The following DEPDC5 variants were observed in gnomAD, a reference collection of about 807,000 sequenced individuals.
The protein encoded by DEPDC5 is DEP domain containing 5, GATOR1 subcomplex subunit.
Under a neutral mutation model 217.3 loss-of-function variants are expected in DEPDC5, and 73 were observed. The ratio of observed to expected loss-of-function variants is 0.34; its 90% confidence interval spans 0.28 to 0.41. The LOEUF is 0.41. Among genes scored for constraint, DEPDC5 ranks in the 10% least tolerant of loss-of-function variants. The probability of loss-of-function intolerance (pLI) is 1.00; values close to 1 mark genes in which losing one functional copy is unlikely to be tolerated. For synonymous variants in DEPDC5, 733 were observed against 756.7 expected, an observed-to-expected ratio of 0.97 and a Z score of 0.51; for missense variants, 1,675 against 2,070.1, an observed-to-expected ratio of 0.81 and a Z score of 3.70.
chr22:31,811,908 G>T (rs568600678), intron 20 of DEPDC5, among the ~76,000 whole-genome samples: 1 of 152,206 alleles, frequency 6.6e-6, no homozygotes, highest in Admixed American at 6.5e-5. Flanking sequence ...TGGGTCTTGT[G>T]TAAGAAAGCA....
rs745342391 is a variant in DEPDC5, at chr22:31,837,088, C to T, written c.2287C>T (p.Arg763Cys). ...CCTTACCACCGACTACTTCCCTGAC[C>T]GCCAGGGCCTGCAGAATGACTACAC... is the stretch of plus-strand genomic sequence containing the variant. ...LPLTTDYFPD[R>C]QGLQNDYTEG... is the part of the protein sequence containing the mutation. The change falls in exon 26 of 43, where the codon CGC (arginine) becomes TGC (cysteine). Residue 763 changes from arginine (R) to cysteine (C), a missense_variant. Around this residue, in one of 11 missense-constraint regions of DEPDC5, gnomAD observed 293 missense variants for 386.1 expected, o/e 0.76. Coordinates refer to ENST00000651528, the MANE Select transcript of DEPDC5 (RefSeq NM_001242896.3). 4.7e-5 allele frequency: 76 copies of T among 1,614,044 alleles called. No individual in the cohort carries two copies. The highest frequency in any genetic ancestry group is 4.0e-4 in the Admixed American group (24 of 60,002).
intron 31 of DEPDC5, among the ~76,000 whole-genome samples, chr22:31,848,444 C>T (rs2091862039): frequency 6.6e-6 from 1 of 152,202 alleles, no homozygotes; most frequent in South Asian, 2.1e-4. Context: ...CTTCTGTGTA[C>T]CTGCAGGCTC....
chr22:31,872,377 G>A (rs942073912), intron 34 of DEPDC5, among the ~76,000 whole-genome samples: 4 of 152,188 alleles, frequency 2.6e-5, no homozygotes, highest in Admixed American at 2.6e-4. Context: ...GGCTTCCTGT[G>A]TGTCAGCCCT....
intron 12 of DEPDC5, among the ~76,000 whole-genome samples, chr22:31,795,395 A>C (rs2086131312): frequency 6.8e-6 from 1 of 146,692 alleles, no homozygotes; most frequent in African/African-American, 2.5e-5. Context: ...TACATGTTTT[A>C]TTGTTTTTAT....
intron 23 of DEPDC5, among the ~76,000 whole-genome samples, 189 bp downstream of exon 23, chr22:31,821,826 A>G (rs1385664844): frequency 1.3e-5 from 2 of 152,232 alleles, no homozygotes; most frequent in African/African-American, 4.8e-5. Context: ...ACATCCTGAC[A>G]TTTTTGCCTG....
intron 2 of DEPDC5, 148 bp from the exon 3 acceptor site, chr22:31,758,398 A>G: frequency 1.5e-6 from 1 of 666,558 alleles, no homozygotes; most frequent in Non-Finnish European, 2.7e-6. Context: ...TGAATCCATT[A>G]GTCATTGTAA....
chr22:31,804,013 T>C, intron 15 of DEPDC5, 149 bp from the exon 16 acceptor site: 2 of 670,920 alleles, frequency 3.0e-6, no homozygotes, highest in South Asian at 4.0e-5. Context: ...ATTTACTTCT[T>C]TGTTGGATAG....
rs552973687 is a variant in DEPDC5, at chr22:31,833,057, A to C, written c.2105-858A>C. Among the ~76,000 whole-genome samples, 99 of 152,302 alleles carry C rather than the reference A, an allele frequency of 6.5e-4. 1 individual carries two copies. The highest frequency in any genetic ancestry group is 2.3e-3 in the African/African-American group (96 of 41,566). On this transcript the variant is annotated intron_variant, in intron 24 of 42. Coordinates refer to ENST00000651528, the MANE Select transcript of DEPDC5 (RefSeq NM_001242896.3). ...GCATCTTTCCAGTCCTTTTTAAAAA[A>C]ATATTTTTATGTGTATTTACATAGA... is the stretch of plus-strand genomic sequence containing the variant.
intron 38 of DEPDC5, chr22:31,891,509 C>T: frequency 5.3e-6 from 1 of 187,282 alleles, no homozygotes; most frequent in South Asian, 8.9e-5. Flanking sequence ...TGCCAGTTTG[C>T]CTGAATGCCA....
intron 5 of DEPDC5, 147 bp downstream of exon 5, chr22:31,765,207 G>A: frequency 1.5e-6 from 1 of 665,348 alleles, no homozygotes; most frequent in South Asian, 1.8e-5. Flanking sequence ...CAGTACATCA[G>A]GAGGCTGAGA....
intron 38 of DEPDC5, among the ~76,000 whole-genome samples, chr22:31,890,794 C>T (rs892839741): frequency 1.3e-5 from 2 of 151,386 alleles, no homozygotes; most frequent in Admixed American, 1.3e-4. Flanking sequence ...GGTGCGATCT[C>T]GGCTCACTGC....
intron 27 of DEPDC5, among the ~76,000 whole-genome samples, chr22:31,840,600 C>T (rs1305119827): frequency 1.3e-5 from 2 of 152,216 alleles, no homozygotes; most frequent in African/African-American, 4.8e-5. Flanking sequence ...CAGTTCTGTT[C>T]CTGGCTGATC....
At chr22:31,813,546 A>G (rs1224644467) in intron 20 of DEPDC5, among the ~76,000 whole-genome samples, 2 of 152,136 alleles carry the variant, frequency 1.3e-5, no homozygotes, top group Non-Finnish European at 2.9e-5. Flanking sequence ...CTGATGCCAG[A>G]AGGGCAGCCC....
chr22:31,821,620 T>A lies in DEPDC5; in HGVS notation c.1989T>A (p.Tyr663Ter), dbSNP rs1244795493. Residue 663 changes from tyrosine (Y) to a stop codon, truncating the protein, a stop_gained, in exon 23 of 43, where the codon TAT becomes TAA. Transcript: ENST00000651528. LOFTEE classifies it high-confidence loss of function. ...HSSAELLELA[Y>*]HEAAGRHSNS... ...CTGCAGAGCTGCTGGAGTTAGCATA[T>A]CATGAAGCTGCTGGAAGGTGAGGAT... 1.2e-6 allele frequency: 2 copies of A among 1,613,670 alleles called. No homozygotes were observed. Among genetic ancestry groups the A allele is most frequent in the East Asian group, 4.5e-5 (2 of 44,866 alleles).
chr22:31,856,255 T>C (rs1168668968), intron 31 of DEPDC5, among the ~76,000 whole-genome samples: 1 of 138,924 alleles, frequency 7.2e-6, no homozygotes, highest in Non-Finnish European at 1.6e-5. Context: ...ACACACACAC[T>C]TCATTGCCTA....
In DEPDC5 at chr22:31,826,825, C is replaced by T. The variant is rs188862550; in HGVS notation, c.2104+4035C>T. On this transcript the variant is annotated intron_variant, in intron 24 of 42. Transcript: ENST00000651528. Reference sequence around the variant, plus strand: ...ATTTATATTTCCAAGACCAAGTTGCCGTATGTGAGAAGAATTTGAATAACA... The same window carrying T: ...ATTTATATTTCCAAGACCAAGTTGCTGTATGTGAGAAGAATTTGAATAACA... 2.9e-3 allele frequency among the ~76,000 whole-genome samples: 434 copies of T among 151,756 alleles called. 1 individual carries two copies. Among genetic ancestry groups the T allele is most frequent in the African/African-American group, 8.9e-3 (368 of 41,360 alleles).
At position 31,783,910 on chromosome 22, in the gene DEPDC5, G is replaced by T; in HGVS notation, c.487G>T (p.Val163Leu). The T allele has an allele frequency of 2.5e-6, 4 of 1,611,852 alleles. No individual in the cohort carries two copies. Among genetic ancestry groups the T allele is most frequent in the Non-Finnish European group, 3.4e-6 (4 of 1,179,356 alleles). The change falls in exon 9 of 43, where the codon GTG becomes TTG. Residue 163 changes from valine (V) to leucine (L), a missense_variant. Val to Leu is a conservative substitution (Grantham distance 32). This residue lies in a region of DEPDC5 where 628 missense variants were observed against 762.1 expected (regional missense o/e 0.82). Coordinates refer to ENST00000651528, the MANE Select transcript of DEPDC5 (RefSeq NM_001242896.3). The part of the protein sequence containing the change: ...CGYISEDTRV[V>L]FRSTSAMVYI... Reference sequence around the variant, plus strand: ...TACAATTGTGTTTTTATTTCAGGTGGTGTTTCGTTCTACGTCGGCTATGGT... The same window carrying T: ...TACAATTGTGTTTTTATTTCAGGTGTTGTTTCGTTCTACGTCGGCTATGGT...
At chr22:31,892,107 T>G (rs1239319037) in intron 38 of DEPDC5, among the ~76,000 whole-genome samples, 1 of 152,204 alleles carries the variant, frequency 6.6e-6, no homozygotes, top group East Asian at 1.9e-4. Flanking sequence ...AAGCAAGACT[T>G]GTCACTGGTG....
Position 31,843,112 on chromosome 22 carries a change from C to G in DEPDC5, c.2533C>G (p.Arg845Gly). 3 of 1,613,088 alleles carry G rather than the reference C, an allele frequency of 1.9e-6. No homozygotes were observed. The highest frequency in any genetic ancestry group is 2.5e-6 in the Non-Finnish European group (3 of 1,179,722). The change falls in exon 28 of 43, where the codon CGC becomes GGC. Residue 845 changes from arginine (R) to glycine (G), a missense_variant. Transcript: ENST00000651528. Reference sequence around the variant, plus strand: ...TCTGTTAGGCCTTGTGTCCCGAAACCGCCCTGAGGAGGAGGACCAGTATTG... The same window carrying G: ...TCTGTTAGGCCTTGTGTCCCGAAACGGCCCTGAGGAGGAGGACCAGTATTG... ...LYSRGLVSRNRPEEEDQYWLS... is the reference protein window; with the variant it reads ...LYSRGLVSRNGPEEEDQYWLS...
Sources: gnomAD v4.1 joint callset for allele counts (sites outside exome capture counted in the v4.1 genomes callset) on GRCh38, gnomAD v4.1.1 for gene constraint, gnomAD v4.1.1 regional missense constraint, MANE v1.5 for transcripts, NCBI Gene and HGNC (gene_info 2026-07-23, HGNC 2026-07-21) for gene names.